Variants in CAMKMT observed in about 807,000 individuals in gnomAD.
CAMKMT encodes calmodulin-lysine N-methyltransferase, also known as CaM KMT.
In CAMKMT, 53 loss-of-function variants were observed where a neutral mutation model predicts 48.0. The observed-to-expected ratio is 1.10, with a 90% CI of 0.89 to 1.39. The LOEUF (loss-of-function observed/expected upper bound fraction) is 1.39, where lower values mean the gene tolerates loss of function less well. Ranked by LOEUF, CAMKMT falls within the 40% of genes most tolerant of loss-of-function variation. CAMKMT has a pLI of 0.00. For synonymous variants in CAMKMT, 165 were observed against 152.3 expected (o/e 1.08, Z -0.61); for missense variants, 428 against 402.7 (o/e 1.06, Z -0.54).
intron 1 of CAMKMT, among the ~76,000 whole-genome samples, chr2:44,363,303 T>C (rs1285558885): frequency 6.6e-6 from 1 of 152,094 alleles, no homozygotes; most frequent in African/African-American, 2.4e-5. Context: ...AAAGTAAATA[T>C]CTAATTTTTT....
intron 3 of CAMKMT, among the ~76,000 whole-genome samples, chr2:44,467,589 C>T (rs1221142902): frequency 6.6e-6 from 1 of 151,560 alleles, no homozygotes. Context: ...CAAAAACTCA[C>T]CACCACCACC....
intron 3 of CAMKMT, among the ~76,000 whole-genome samples, chr2:44,677,005 C>G (rs956744): frequency 0.066 from 10,022 of 152,096 alleles, 704 homozygotes; most frequent in African/African-American, 0.18. Flanking sequence ...TTACAGTGCC[C>G]TTGATTCTTT....
At chr2:44,457,887 A>C (rs1387663497) in intron 3 of CAMKMT, among the ~76,000 whole-genome samples, 2 of 152,120 alleles carry the variant, frequency 1.3e-5, no homozygotes, top group Non-Finnish European at 1.5e-5. Flanking sequence ...GGTGATGGAT[A>C]AGCCATTCCC....
chr2:44,546,154 G>GACACACAC (rs4039614), intron 3 of CAMKMT, among the ~76,000 whole-genome samples: 4,604 of 129,028 alleles, frequency 0.036, 153 homozygotes, highest in East Asian at 0.072. Flanking sequence ...AGACTGCTAG[G>GACACACAC]ACACACACAC....
chr2:44,743,674 G>C lies in CAMKMT; in HGVS notation c.676G>C (p.Asp226His). The change falls in exon 8 of 11, where the codon GAC (aspartate) becomes CAC (histidine). Residue 226 changes from aspartate (D) to histidine (H), a missense_variant. Coordinates refer to ENST00000378494, the MANE Select transcript of CAMKMT (RefSeq NM_024766.5). ...TDVSQLEGHF[D>H]IVMCADCLFL... ...TGTCTCTCAACTGGAAGGACATTTT[G>C]ACATTGTTATGTGTGCTGACTGGTA... is the stretch of plus-strand genomic sequence containing the variant. The C allele has an allele frequency of 6.2e-7, 1 of 1,613,108 alleles. No individual in the cohort carries two copies. Among genetic ancestry groups the C allele is most frequent in the South Asian group, 1.1e-5 (1 of 90,924 alleles).
At chr2:44,548,744 A>T (rs1033646978) in intron 3 of CAMKMT, among the ~76,000 whole-genome samples, 2 of 152,284 alleles carry the variant, frequency 1.3e-5, no homozygotes, top group African/African-American at 4.8e-5. Context: ...TTTAGCTGAG[A>T]GTGGCCCTTG....
intron 3 of CAMKMT, among the ~76,000 whole-genome samples, chr2:44,463,298 T>C (rs1667941077): frequency 6.6e-6 from 1 of 152,198 alleles, no homozygotes; most frequent in Non-Finnish European, 1.5e-5. Flanking sequence ...ACATTTAGGA[T>C]AGCTCCAGAA....
intron 7 of CAMKMT, among the ~76,000 whole-genome samples, chr2:44,730,172 G>A (rs1391389825): frequency 1.3e-5 from 2 of 152,176 alleles, no homozygotes; most frequent in Non-Finnish European, 2.9e-5. Context: ...TATTTGGGGA[G>A]CTTAAAGCGT....
At chr2:44,740,117 T>C (rs1279730740) in intron 7 of CAMKMT, among the ~76,000 whole-genome samples, 3 of 148,244 alleles carry the variant, frequency 2.0e-5, no homozygotes, top group African/African-American at 7.5e-5. Context: ...TCTTAACTGA[T>C]TGCTGCATTT....
At chr2:44,550,659 C>G (rs1364353498) in intron 3 of CAMKMT, 1 of 152,140 alleles carries the variant, frequency 6.6e-6, no homozygotes, top group Non-Finnish European at 1.5e-5. Context: ...TTACCAAGAT[C>G]TATTGACCAT....
chr2:44,462,966 G>A (rs548795383), intron 3 of CAMKMT, among the ~76,000 whole-genome samples: 43 of 152,154 alleles, frequency 2.8e-4, no homozygotes, highest in South Asian at 1.7e-3. Flanking sequence ...TACATTGATC[G>A]TTAAATCTAG....
chr2:44,652,356 G>T (rs777087024), intron 3 of CAMKMT, among the ~76,000 whole-genome samples: 1 of 152,214 alleles, frequency 6.6e-6, no homozygotes, highest in African/African-American at 2.4e-5. Context: ...CATTAGCCCT[G>T]TTCCTTGTTC....
chr2:44,754,694 A>G (rs1239713843), intron 9 of CAMKMT, among the ~76,000 whole-genome samples: 1 of 152,186 alleles, frequency 6.6e-6, no homozygotes. Context: ...ACATTTTTAC[A>G]TTTATATATC....
chr2:44,420,837 T>A (rs531957473), intron 3 of CAMKMT, among the ~76,000 whole-genome samples: 1 of 151,132 alleles, frequency 6.6e-6, no homozygotes, highest in South Asian at 2.1e-4. Flanking sequence ...TTTTTTTTTT[T>A]CCCCCCTTGG....
At chr2:44,402,740 G>GTTTTTTTTTTTTTTTTTTTTTCTTT in intron 3 of CAMKMT, among the ~76,000 whole-genome samples, 1 of 94,098 alleles carries the variant, frequency 1.1e-5, no homozygotes, top group African/African-American at 4.1e-5. Flanking sequence ...TTGTTTTGCT[G>GTTTTTTTTTTTTTTTTTTTTTCTTT]TTTTTTTTTT....
chr2:44,366,835 C>T (rs1010262287), intron 1 of CAMKMT, among the ~76,000 whole-genome samples: 1 of 152,072 alleles, frequency 6.6e-6, no homozygotes, highest in African/African-American at 2.4e-5. Context: ...GATTCTTGTG[C>T]CTTAGTCTTC....
intron 2 of CAMKMT, among the ~76,000 whole-genome samples, chr2:44,380,944 G>A (rs559064067): frequency 1.3e-4 from 20 of 151,904 alleles, no homozygotes; most frequent in African/African-American, 4.3e-4. Context: ...GGTGGGTCAC[G>A]AGGTCAGGAG....
chr2:44,717,843 A>T lies in CAMKMT; in HGVS notation c.623+2490A>T, dbSNP rs530388546. Among the ~76,000 whole-genome samples, 465 of 119,182 alleles carry T rather than the reference A, an allele frequency of 3.9e-3. 1 individual carries two copies. Among genetic ancestry groups the T allele is most frequent in the South Asian group, 0.013 (48 of 3,586 alleles). The allele number at this position is 119,182 out of a possible 152,430, so 78.2% of individuals were successfully genotyped here. A position where few individuals can be genotyped will look rare whatever the true frequency, so the allele number is the denominator to read the frequency against. Reference sequence around the variant, plus strand: ...ACTATAAGCCTAAGAAATGGTATTTAAAAAAAAAAAAAAAAACAAGCTGCC... The same window carrying T: ...ACTATAAGCCTAAGAAATGGTATTTTAAAAAAAAAAAAAAAACAAGCTGCC... On this transcript the variant is annotated intron_variant, in intron 7 of 10. Transcript: ENST00000378494.
At chr2:44,550,397 GA>G (rs1055057598) in intron 3 of CAMKMT, among the ~76,000 whole-genome samples, 67 of 109,340 alleles carry the variant, frequency 6.1e-4, no homozygotes, top group South Asian at 3.9e-3. Flanking sequence ...CTCAAAAAAA[GA>G]AAAAAAAAAA....
Sources: allele counts gnomAD v4.1 joint callset (sites outside exome capture counted in the v4.1 genomes callset), GRCh38; gene constraint gnomAD v4.1.1; transcripts MANE v1.5; gene names NCBI Gene and HGNC (gene_info 2026-07-23, HGNC 2026-07-21).